THSD7B: variants seen among roughly 807,000 people sequenced by gnomAD.
THSD7B encodes thrombospondin type-1 domain-containing protein 7B.
Under a neutral mutation model 213.6 loss-of-function variants are expected in THSD7B, and 138 were observed. The observed-to-expected ratio is 0.65, with a 90% confidence interval of 0.56 to 0.74. The LOEUF (loss-of-function observed/expected upper bound fraction) is 0.74. Among genes scored for constraint, THSD7B ranks in the 30% least tolerant of loss-of-function variants. The probability of loss-of-function intolerance (pLI) is 0.00; values close to 1 mark genes in which losing one functional copy is unlikely to be tolerated. For missense variants in THSD7B, 1,931 were observed against 1,991.5 expected (o/e 0.97, Z 0.58); for synonymous variants, 742 against 687.0 (o/e 1.08, Z -1.25).
chr2:137,139,554 T>G (rs1449016044), intron 5 of THSD7B, among the ~76,000 whole-genome samples: 1 of 152,126 alleles, frequency 6.6e-6, no homozygotes, highest in African/African-American at 2.4e-5. Flanking sequence ...CTAAGAGGAT[T>G]TTTTTCTATC....
At chr2:136,991,695 AT>A (rs1467364256) in intron 2 of THSD7B, among the ~76,000 whole-genome samples, 3 of 152,236 alleles carry the variant, frequency 2.0e-5, no homozygotes, top group African/African-American at 7.2e-5. Flanking sequence ...GGCAGTAGGA[AT>A]TAAGGATTCT....
intron 21 of THSD7B, among the ~76,000 whole-genome samples, chr2:137,652,207 A>G (rs1160330797): frequency 2.0e-5 from 3 of 151,812 alleles, no homozygotes; most frequent in African/African-American, 2.4e-5. Context: ...CTTTAAATCT[A>G]TTAATGTTTT....
chr2:136,868,796 G>C (rs1276030151), intron 1 of THSD7B, among the ~76,000 whole-genome samples: 2 of 152,106 alleles, frequency 1.3e-5, no homozygotes, highest in Admixed American at 6.6e-5. Flanking sequence ...GTATGTGTGT[G>C]TGTAAATTTG....
intron 15 of THSD7B, among the ~76,000 whole-genome samples, chr2:137,467,226 T>G (rs1688012876): frequency 6.6e-6 from 1 of 152,168 alleles, no homozygotes; most frequent in Non-Finnish European, 1.5e-5. Context: ...GGGATACATG[T>G]TCAGAACTGC....
chr2:137,456,227 C>G (rs1453298), intron 15 of THSD7B, among the ~76,000 whole-genome samples: 146,703 of 152,268 alleles, frequency 0.96, 70,869 homozygotes, highest in Non-Finnish European at 1. Flanking sequence ...TTTATTTTTC[C>G]TAGCAGGGTA....
intron 12 of THSD7B, among the ~76,000 whole-genome samples, chr2:137,401,183 T>C (rs962916196): frequency 1.3e-5 from 2 of 152,186 alleles, no homozygotes; most frequent in Non-Finnish European, 2.9e-5. Flanking sequence ...TTGTATGTAA[T>C]GTATAATTAA....
intron 13 of THSD7B, among the ~76,000 whole-genome samples, chr2:137,411,296 T>C (rs1356421903): frequency 3.3e-5 from 5 of 152,218 alleles, no homozygotes; most frequent in Non-Finnish European, 4.4e-5. Context: ...GTATGTTTTT[T>C]CCAGCAAACT....
intron 12 of THSD7B, among the ~76,000 whole-genome samples, chr2:137,375,579 T>G (rs1195169731): frequency 1.3e-5 from 2 of 152,212 alleles, no homozygotes; most frequent in Non-Finnish European, 2.9e-5. Flanking sequence ...GGTGTATGAC[T>G]AATGAATATA....
At chr2:137,269,838 A>C (rs1183180986) in intron 10 of THSD7B, among the ~76,000 whole-genome samples, 1 of 152,202 alleles carries the variant, frequency 6.6e-6, no homozygotes, top group Non-Finnish European at 1.5e-5. Context: ...ACATTTAAAA[A>C]GGGGCCAATT....
At chr2:137,288,599 C>T (rs1307981156) in intron 12 of THSD7B, among the ~76,000 whole-genome samples, 2 of 151,936 alleles carry the variant, frequency 1.3e-5, no homozygotes, top group African/African-American at 4.8e-5. Flanking sequence ...GACTTAACAG[C>T]TAACTTTATG....
intron 15 of THSD7B, among the ~76,000 whole-genome samples, chr2:137,534,485 G>A (rs1284169329): frequency 1.3e-5 from 2 of 151,720 alleles, no homozygotes; most frequent in Non-Finnish European, 2.9e-5. Context: ...TGAGGAAAGA[G>A]AAAGTGCACT....
chr2:136,882,629 T>C (rs1484496330), intron 2 of THSD7B, among the ~76,000 whole-genome samples: 1 of 152,244 alleles, frequency 6.6e-6, no homozygotes, highest in African/African-American at 2.4e-5. Context: ...AAATGACATC[T>C]GAATTTAGCT....
chr2:137,366,497 A>T (rs1007046055), intron 12 of THSD7B, among the ~76,000 whole-genome samples: 4 of 152,094 alleles, frequency 2.6e-5, no homozygotes, highest in African/African-American at 9.7e-5. Flanking sequence ...CAAATAAGAG[A>T]ATATCTGTGG....
intron 12 of THSD7B, among the ~76,000 whole-genome samples, chr2:137,372,907 C>T (rs942112316): frequency 7.3e-6 from 1 of 136,574 alleles, no homozygotes. Flanking sequence ...TCCATGTGTT[C>T]TCATTGTTCA....
intron 15 of THSD7B, among the ~76,000 whole-genome samples, chr2:137,527,067 G>T (rs781445171): frequency 6.6e-6 from 1 of 152,150 alleles, no homozygotes; most frequent in Non-Finnish European, 1.5e-5. Flanking sequence ...CTGGAAGGAA[G>T]TATTGATTAA....
intron 7 of THSD7B, among the ~76,000 whole-genome samples, chr2:137,173,515 T>A (rs1277442175): frequency 2.0e-5 from 3 of 152,238 alleles, no homozygotes; most frequent in Non-Finnish European, 2.9e-5. Flanking sequence ...TCTTGCTTAT[T>A]CCTGTGAAAT....
At chr2:137,023,915 C>G (rs1034028978) in intron 2 of THSD7B, among the ~76,000 whole-genome samples, 32 of 147,754 alleles carry the variant, frequency 2.2e-4, no homozygotes, top group African/African-American at 8.0e-4. Context: ...TCTCTTCGTC[C>G]TTCTAGTTTT....
At chr2:137,437,819 T>A (rs1687325176) in intron 14 of THSD7B, among the ~76,000 whole-genome samples, 1 of 152,184 alleles carries the variant, frequency 6.6e-6, no homozygotes, top group East Asian at 1.9e-4. Context: ...GATTTCTGTA[T>A]ACCAAATGTT....
chr2:136,882,309 G>A lies in THSD7B; in HGVS notation c.131G>A (p.Trp44Ter). 1 of 1,532,352 alleles carries A rather than the reference G, an allele frequency of 6.5e-7. No individual in the cohort carries two copies. Among genetic ancestry groups the A allele is most frequent in the Non-Finnish European group, 8.8e-7 (1 of 1,139,652 alleles). The allele number at this position is 1,532,352 out of a possible 1,614,324, so 94.9% of individuals were successfully genotyped here. Residue 44 changes from tryptophan (W) to a stop codon, truncating the protein, a stop_gained, in exon 2 of 28, where the codon TGG (tryptophan) becomes TAG (stop). Transcript: ENST00000409968. LOFTEE classifies it high-confidence loss of function. Reference protein sequence around the residue: ...LEGKKDNQFIWKPGPWGRCTG... With the variant: ...LEGKKDNQFI The stretch of plus-strand genomic sequence containing the variant: ...GGCAAAAAGGATAATCAGTTCATCT[G>A]GAAACCAGGTAGGAATGTCCTGGCT...
Sources: allele counts gnomAD v4.1 joint callset (sites outside exome capture counted in the v4.1 genomes callset), GRCh38; gene constraint gnomAD v4.1.1; transcripts MANE v1.5; gene names NCBI Gene and HGNC (gene_info 2026-07-23, HGNC 2026-07-21).